CLCN2: variants seen among roughly 807,000 people sequenced by gnomAD.
The protein encoded by CLCN2 is chloride channel protein 2.
CLCN2 carries 72 observed loss-of-function variants against 108.3 expected under a neutral mutation model. That is an observed-to-expected ratio of 0.66 (90% CI 0.55 to 0.81). The LOEUF (loss-of-function observed/expected upper bound fraction) is 0.81, where lower values mean the gene tolerates loss of function less well. Ranked by LOEUF, CLCN2 falls within the 30% of genes least tolerant of loss-of-function variation. The probability of loss-of-function intolerance (pLI) is 0.00; values close to 1 mark genes in which losing one functional copy is unlikely to be tolerated. For missense variants in CLCN2, 1,048 were observed against 1,205.2 expected, an observed-to-expected ratio of 0.87 and a Z score of 1.93; for synonymous variants, 471 against 467.1, an observed-to-expected ratio of 1.01 and a Z score of -0.11.
intron 7 of CLCN2, 31 bp from the exon 8 acceptor site, chr3:184,357,518 G>A (rs769676457): frequency 1.9e-6 from 3 of 1,614,004 alleles, no homozygotes; most frequent in East Asian, 2.2e-5. Context: ...AGCACTTGAG[G>A]CCTGGGCCTG....
Position 184,355,016 on chromosome 3 carries a change from G to T in CLCN2, c.1327-43C>A. ...TTCAAAGGCGAAGAGGCTCCACCTG[G>T]CCCCAGGCAGCCCACAGCGCCACCC... On this transcript the variant is annotated intron_variant, in intron 12 of 23. Coordinates refer to ENST00000265593, the MANE Select transcript of CLCN2 (RefSeq NM_004366.6). This position sits in a 1 kb window ranked among gnomAD's most constrained non-coding sequence, Gnocchi z 6.3. 10 of 1,569,118 alleles carry T rather than the reference G, an allele frequency of 6.4e-6. No homozygotes were observed. Among genetic ancestry groups the T allele is most frequent in the Non-Finnish European group, 8.8e-6 (10 of 1,139,874 alleles).
chr3:184,355,280 A>G lies in CLCN2; in HGVS notation c.1326+94T>C. ...GTGATAATAGTGCCTTTCCCATGGCACTGTGGAGAGGCTTCGAGGAGTGAG... is the reference window on the plus strand; with the variant it reads ...GTGATAATAGTGCCTTTCCCATGGCGCTGTGGAGAGGCTTCGAGGAGTGAG... On this transcript the variant is annotated intron_variant, in intron 12 of 23. Coordinates refer to ENST00000265593, the MANE Select transcript of CLCN2 (RefSeq NM_004366.6). The surrounding 1 kb of genome is among the most constrained non-coding windows in gnomAD (Gnocchi z 6.3). The G allele has an allele frequency of 1.5e-6, 2 of 1,371,518 alleles. No homozygotes were observed. Among genetic ancestry groups the G allele is most frequent in the South Asian group, 1.2e-5 (1 of 85,490 alleles). 85.0% of individuals were successfully genotyped at this position (1,371,518 alleles called of 1,614,324 possible).
At chr3:184,348,009 C>G (rs1727809324) in intron 22 of CLCN2, 1 of 152,226 alleles carries the variant, frequency 6.6e-6, no homozygotes, top group Non-Finnish European at 1.5e-5. Flanking sequence ...TTGTAAGCCT[C>G]TTCGCTTAAT....
chr3:184,352,808 T>C lies in CLCN2; in HGVS notation c.2146A>G (p.Ser716Gly). ...AGGGCGATGCCTGCCGACTCTGCGC[T>C]CCCTGTGTTCCCAAACATAAGGCCC... ...TRNLGESPTGSAESAGIALRS... is the reference protein window; with the variant it reads ...TRNLGESPTGGAESAGIALRS... The change falls in exon 19 of 24, where the codon AGC becomes GGC. Residue 716 changes from serine to glycine, a missense_variant and splice_region_variant. Coordinates refer to ENST00000265593, the MANE Select transcript of CLCN2 (RefSeq NM_004366.6). 6.2e-7 allele frequency: 1 copy of C among 1,613,194 alleles called. No individual in the cohort carries two copies. Among genetic ancestry groups the C allele is most frequent in the Non-Finnish European group, 8.5e-7 (1 of 1,179,978 alleles).
intron 20 of CLCN2, 38 bp downstream of exon 20, chr3:184,352,405 C>T (rs562270931): frequency 3.0e-5 from 49 of 1,612,746 alleles, no homozygotes; most frequent in African/African-American, 1.3e-4. Context: ...CCTCCCTGCC[C>T]GGTGCCGCCG....
At position 184,352,014 on chromosome 3, in the gene CLCN2, T is replaced by G. The variant is rs1577308148; in HGVS notation, c.2414A>C (p.Lys805Thr). The G allele has an allele frequency of 1.2e-6, 2 of 1,612,232 alleles. No homozygotes were observed. Among genetic ancestry groups the G allele is most frequent in the Non-Finnish European group, 1.7e-6 (2 of 1,178,816 alleles). Residue 805 changes from lysine to threonine, a missense_variant and splice_region_variant, in exon 22 of 24, where the codon AAG (lysine) becomes ACG (threonine). Coordinates refer to ENST00000265593, the MANE Select transcript of CLCN2 (RefSeq NM_004366.6). ...CCTGGGCCAGGCTGCTGGCCCTACC[T>G]TGTGCAAAGAGGTCCGCTCCACCAG... ...FQLVERTSLH[K>T]THTIFSLLGV...
Position 184,354,963 on chromosome 3 carries a change from G to A in CLCN2, c.1337C>T (p.Ser446Phe). The A allele has an allele frequency of 6.2e-7, 1 of 1,614,018 alleles. No individual in the cohort carries two copies. The highest frequency in any genetic ancestry group is 8.5e-7 in the Non-Finnish European group (1 of 1,180,006). ...VIFILMKFWM[S>F]ALATTIPVPC... ...AACTGGGATGGTGGTGGCCAGTGCAGACATCCAGAACTGCAGGCAGGGGGT... is the reference window on the plus strand; with the variant it reads ...AACTGGGATGGTGGTGGCCAGTGCAAACATCCAGAACTGCAGGCAGGGGGT... Residue 446 changes from serine to phenylalanine, a missense_variant, in exon 13 of 24, where the codon TCT becomes TTT. Physicochemically the swap from Ser to Phe is radical, Grantham distance 155 (BLOSUM62 -2). Coordinates refer to ENST00000265593, the MANE Select transcript of CLCN2 (RefSeq NM_004366.6).
chr3:184,349,679 T>C (rs967897467), intron 22 of CLCN2: 2 of 151,984 alleles, frequency 1.3e-5, no homozygotes, highest in South Asian at 2.1e-4. Flanking sequence ...TTGTAAGTGC[T>C]TCACATGTTT....
chr3:184,349,290 T>TG (rs1332612868), intron 22 of CLCN2: 11 of 152,170 alleles, frequency 7.2e-5, no homozygotes, highest in African/African-American at 2.7e-4. Context: ...TCAGACGTGG[T>TG]GGCACGCTCC....
At position 184,355,485 on chromosome 3, in the gene CLCN2, C is replaced by T. The variant is rs200541466; in HGVS notation, c.1215G>A (p.Thr405=). The stretch of plus-strand genomic sequence containing the variant: ...CCTCCACCAGGCCCTGGCGGACCCA[C>T]GTCCGATTGTCAAACAGGGTGACCA... ...ETLVTLFDNR[T]WVRQGLVEEL... The change falls in exon 12 of 24, where the codon ACG becomes ACA. Residue 405 remains threonine, a synonymous_variant. Transcript: ENST00000265593. The surrounding 1 kb of genome is among the most constrained non-coding windows in gnomAD (Gnocchi z 6.3). The T allele has an allele frequency of 2.7e-5, 44 of 1,613,928 alleles. No homozygotes were observed. The highest frequency in any genetic ancestry group is 1.5e-4 in the African/African-American group (11 of 74,870).
intron 15 of CLCN2, 96 bp downstream of exon 15, chr3:184,354,005 C>T (rs1238744907): frequency 9.9e-6 from 14 of 1,416,132 alleles, no homozygotes; most frequent in African/African-American, 2.9e-5. Flanking sequence ...CTCCCAGCTT[C>T]GTAGGCTCCA....
intron 22 of CLCN2, among the ~76,000 whole-genome samples, chr3:184,351,353 C>G (rs185331817): frequency 6.6e-6 from 1 of 152,178 alleles, no homozygotes; most frequent in Non-Finnish European, 1.5e-5. Flanking sequence ...GAGTCCTGGA[C>G]GCAGAGAGCT....
chr3:184,351,945 AG>A (rs979331670), intron 22 of CLCN2, 67 bp downstream of exon 22: 97 of 1,167,646 alleles, frequency 8.3e-5, no homozygotes, highest in Non-Finnish European at 1.2e-4. Flanking sequence ...CCAAACTTGT[AG>A]GGGGACCAAG....
Position 184,356,944 on chromosome 3 carries a change from G to A in CLCN2, c.1085+49C>T, listed in dbSNP as rs965529801. 19 of 1,327,694 alleles carry A rather than the reference G, an allele frequency of 1.4e-5. No individual in the cohort carries two copies. In the African/African-American group the frequency reaches 2.6e-4, roughly 18 times the overall value. The allele number at this position is 1,327,694 out of a possible 1,614,324, so 82.2% of individuals were successfully genotyped here. ...CATCACTGTCCCCTGACCTACTGTG[G>A]CCCTTATACAACTCAAAGCAGCCTG... On this transcript the variant is annotated intron_variant, in intron 10 of 23. Transcript: ENST00000265593.
Position 184,361,588 on chromosome 3 carries a change from A to T in CLCN2, c.-109T>A. ...AGCCGTCCCGTCCCCGCAGCCCGGG[A>T]GGCCGAGAGCAGAGTGCGGCGGGCC... is the stretch of plus-strand genomic sequence containing the variant. On this transcript the variant is annotated 5_prime_UTR_variant, in exon 1 of 24. Transcript: ENST00000265593. The surrounding 1 kb of genome is among the most constrained non-coding windows in gnomAD (Gnocchi z 6.6). The T allele has an allele frequency of 8.0e-7, 1 of 1,249,824 alleles. No homozygotes were observed. The highest frequency in any genetic ancestry group is 2.0e-5 in the Admixed American group (1 of 49,050). 77.4% of individuals were successfully genotyped at this position (1,249,824 alleles called of 1,614,324 possible). A position where few individuals can be genotyped will look rare whatever the true frequency, so the allele number is the denominator to read the frequency against.
intron 22 of CLCN2, among the ~76,000 whole-genome samples, chr3:184,351,416 C>T (rs1728083847): frequency 6.6e-6 from 1 of 152,176 alleles, no homozygotes; most frequent in East Asian, 1.9e-4. Context: ...TGCTCAGTTC[C>T]TCGCCGCATT....
At chr3:184,350,685 C>T (rs938633508) in intron 22 of CLCN2, among the ~76,000 whole-genome samples, 18 of 152,152 alleles carry the variant, frequency 1.2e-4, no homozygotes, top group African/African-American at 4.3e-4. Flanking sequence ...GATCCACCTG[C>T]TGCAGCCTCC....
In CLCN2 at chr3:184,352,458, G is replaced by C; in HGVS notation, c.2256C>G (p.Val752=). ...ESCEKRKLKR[V]RISLASDADL... ...GCATACTTACTGCCAGGGAGATTCG[G>C]ACACGCTTCAGCTTGCGCTTCTCAC... The change falls in exon 20 of 24, where the codon GTC becomes GTG. Residue 752 remains valine (V), a synonymous_variant. Transcript: ENST00000265593. 1 of 1,613,348 alleles carries C rather than the reference G, an allele frequency of 6.2e-7. No individual in the cohort carries two copies. The highest frequency in any genetic ancestry group is 8.5e-7 in the Non-Finnish European group (1 of 1,179,932).
chr3:184,358,406 C>T, intron 3 of CLCN2, 96 bp from the exon 4 acceptor site: 1 of 1,555,630 alleles, frequency 6.4e-7, no homozygotes, highest in African/African-American at 1.4e-5. Flanking sequence ...CCAGGGAGTA[C>T]CACACAGAGT....
Sources: allele counts gnomAD v4.1 joint callset (sites outside exome capture counted in the v4.1 genomes callset), GRCh38; gene constraint gnomAD v4.1.1; non-coding constraint Gnocchi (gnomAD v3.1); transcripts MANE v1.5; gene names NCBI Gene and HGNC (gene_info 2026-07-23, HGNC 2026-07-21).